Variants in SECISBP2L observed in about 807,000 individuals in gnomAD.
SECISBP2L encodes selenocysteine insertion sequence-binding protein 2-like.
A neutral mutation model predicts 114.7 loss-of-function variants in SECISBP2L; 43 were observed. The ratio of observed to expected loss-of-function variants is 0.38; its 90% CI spans 0.29 to 0.48. The LOEUF (loss-of-function observed/expected upper bound fraction) is 0.48, where lower values mean the gene tolerates loss of function less well. SECISBP2L is among the 20% of genes least tolerant of loss of function. The pLI is 0.98. For synonymous variants in SECISBP2L, 451 were observed against 439.7 expected (o/e 1.03, Z -0.32); for missense variants, 1,136 against 1,301.1 (o/e 0.87, Z 1.95).
At chr15:49,027,599 T>C in intron 6 of SECISBP2L, 119 bp from the exon 7 acceptor site, 1 of 506,072 alleles carries the variant, frequency 2.0e-6, no homozygotes, top group East Asian at 3.2e-5. Context: ...AATTTTTCTA[T>C]AAACCTTATT....
In SECISBP2L at chr15:49,009,383, G is replaced by A; in HGVS notation, c.1865-5C>T. 6.2e-7 allele frequency: 1 copy of A among 1,603,594 alleles called. No individual in the cohort carries two copies. The highest frequency in any genetic ancestry group is 8.5e-7 in the Non-Finnish European group (1 of 1,175,906). On this transcript the variant is annotated splice_polypyrimidine_tract_variant and splice_region_variant and intron_variant, in intron 13 of 17. Transcript: ENST00000559471. ...TGGGCATGCTTAGTCCAGTATCTGT[G>A]GAGATGTGGAGTGAAGGGAAAAAAT...
intron 1 of SECISBP2L, among the ~76,000 whole-genome samples, chr15:49,045,544 T>C (rs1903228877): frequency 6.6e-6 from 1 of 152,198 alleles, no homozygotes; most frequent in Admixed American, 6.5e-5. Context: ...TTATCATCCC[T>C]GCCTGCTACC....
intron 2 of SECISBP2L, among the ~76,000 whole-genome samples, chr15:49,036,920 C>T (rs924066092): frequency 1.3e-5 from 2 of 152,078 alleles, no homozygotes; most frequent in African/African-American, 4.8e-5. Context: ...CCTAGAAAAA[C>T]GAAATTTTCT....
intron 7 of SECISBP2L, 53 bp downstream of exon 7, chr15:49,027,312 T>C: frequency 7.6e-7 from 1 of 1,314,152 alleles, no homozygotes; most frequent in South Asian, 1.3e-5. Flanking sequence ...CTAACAAATC[T>C]AAAATGACTC....
intron 7 of SECISBP2L, among the ~76,000 whole-genome samples, chr15:49,027,051 A>G (rs1902758263): frequency 6.6e-6 from 1 of 152,256 alleles, no homozygotes; most frequent in South Asian, 2.1e-4. Context: ...TATTTAAAGC[A>G]CAAAATGCTT....
At chr15:49,035,936 T>C (rs1368911160) in intron 2 of SECISBP2L, among the ~76,000 whole-genome samples, 2 of 152,174 alleles carry the variant, frequency 1.3e-5, no homozygotes, top group African/African-American at 4.8e-5. Context: ...TGCCTTCCAA[T>C]TCCTCAAGAT....
Position 49,035,407 on chromosome 15 carries a change from C to T in SECISBP2L, c.455G>A (p.Ser152Asn), listed in dbSNP as rs898087796. 2.5e-6 allele frequency: 4 copies of T among 1,614,162 alleles called. No homozygotes were observed. The highest frequency in any genetic ancestry group is 3.4e-6 in the Non-Finnish European group (4 of 1,180,022). ...AITTECTERPSQLGQVFPLSS... is the reference protein window; with the variant it reads ...AITTECTERPNQLGQVFPLSS... Reference sequence around the variant, plus strand: ...CAATGGGAAGACCTGTCCAAGCTGACTTGGACGCTCAGTGCATTCTGTGGT... The same window carrying T: ...CAATGGGAAGACCTGTCCAAGCTGATTTGGACGCTCAGTGCATTCTGTGGT... Residue 152 changes from serine (S) to asparagine (N), a missense_variant, in exon 3 of 18, where the codon AGT becomes AAT. Transcript: ENST00000559471.
rs778302714 is a variant in SECISBP2L, at chr15:48,992,419, T to C, written c.3131A>G (p.Asn1044Ser). The change falls in exon 18 of 18, where the codon AAT becomes AGT. Residue 1044 changes from asparagine (N) to serine (S), a missense_variant. Asn to Ser is a conservative substitution (Grantham distance 46). This residue lies in a region of SECISBP2L where 684 missense variants were observed against 848.7 expected (regional missense o/e 0.81). Coordinates refer to ENST00000559471, the MANE Select transcript of SECISBP2L (RefSeq NM_001193489.2). ...GKTLNGSEED[N>S]VEQSGEEEAE... ...TTCCTCTTCTCCACTTTGCTCTACA[T>C]TGTCTTCCTCAGAACCATTAAGGGT... 15 of 1,614,042 alleles carry C rather than the reference T, an allele frequency of 9.3e-6. No individual in the cohort carries two copies. The highest frequency in any genetic ancestry group is 1.3e-5 in the Non-Finnish European group (15 of 1,180,024).
intron 11 of SECISBP2L, among the ~76,000 whole-genome samples, chr15:49,013,880 C>G (rs1595787630): frequency 1.3e-5 from 2 of 152,110 alleles, no homozygotes; most frequent in African/African-American, 4.8e-5. Flanking sequence ...TCGAGTTCCT[C>G]CCTGACCCTT....
chr15:49,024,594 A>G (rs922813598), intron 7 of SECISBP2L, among the ~76,000 whole-genome samples: 6 of 152,106 alleles, frequency 3.9e-5, no homozygotes, highest in African/African-American at 1.4e-4. Flanking sequence ...TACTTTGAAA[A>G]TTTTGTTTTA....
At chr15:49,004,024 C>G (rs1456452922) in intron 14 of SECISBP2L, among the ~76,000 whole-genome samples, 1 of 152,084 alleles carries the variant, frequency 6.6e-6, no homozygotes, top group African/African-American at 2.4e-5. Context: ...GTACCAGCTC[C>G]TCTTTGTAAC....
Position 49,011,797 on chromosome 15 carries a change from C to T in SECISBP2L, c.1798G>A (p.Glu600Lys), listed in dbSNP as rs370127755. Residue 600 changes from glutamate (E) to lysine (K), a missense_variant, in exon 13 of 18, where the codon GAG (glutamate) becomes AAG (lysine). Coordinates refer to ENST00000559471, the MANE Select transcript of SECISBP2L (RefSeq NM_001193489.2). ...LTVDHNLLGS[E>K]EPTEMHLDFI... ...TCTAAGTGCATTTCTGTTGGTTCCT[C>T]GGATCCCAAAAGATTGTGGTCCACA... The T allele has an allele frequency of 7.1e-5, 114 of 1,613,972 alleles. 1 individual carries two copies. Among genetic ancestry groups the T allele is most frequent in the Non-Finnish European group, 8.7e-5 (103 of 1,179,994 alleles).
chr15:48,996,569 T>C lies in SECISBP2L; in HGVS notation c.2421A>G (p.Leu807=). ...YFGAESLFNK[L]VELTEEARKA... Reference sequence around the variant, plus strand: ...TCCTGGCCTCCTCAGTGAGTTCTACTAATTTATTAAACAGGCTCTGAAAAG... The same window carrying C: ...TCCTGGCCTCCTCAGTGAGTTCTACCAATTTATTAAACAGGCTCTGAAAAG... Residue 807 remains leucine (L), a synonymous_variant, in exon 17 of 18, where the codon TTA becomes TTG. Transcript: ENST00000559471. The C allele has an allele frequency of 1.2e-6, 2 of 1,613,090 alleles. No individual in the cohort carries two copies. The highest frequency in any genetic ancestry group is 1.7e-6 in the Non-Finnish European group (2 of 1,179,686).
chr15:49,040,127 G>A (rs1164914336), intron 1 of SECISBP2L, among the ~76,000 whole-genome samples: 1 of 152,102 alleles, frequency 6.6e-6, no homozygotes, highest in Non-Finnish European at 1.5e-5. Context: ...TTCATAGAAA[G>A]TTTTATAAAC....
intron 3 of SECISBP2L, among the ~76,000 whole-genome samples, chr15:49,034,481 T>G (rs1902963086): frequency 6.6e-6 from 1 of 151,922 alleles, no homozygotes; most frequent in Admixed American, 6.6e-5. Flanking sequence ...CATATTTATC[T>G]TCCATTTTCT....
In SECISBP2L at chr15:49,008,643, G is replaced by T. The variant is rs149013698; in HGVS notation, c.2027+573C>A. Among the ~76,000 whole-genome samples the T allele has an allele frequency of 2.9e-3, 444 of 152,272 alleles. 2 individuals are homozygous for T. Among genetic ancestry groups the T allele is most frequent in the African/African-American group, 0.01 (423 of 41,578 alleles). On this transcript the variant is annotated intron_variant, in intron 14 of 17. Transcript: ENST00000559471. ...CTTTCACCCTGGGATTCTTTCATATGTCATTTTTAAAGGTAAAATTAATTC... is the reference window on the plus strand; with the variant it reads ...CTTTCACCCTGGGATTCTTTCATATTTCATTTTTAAAGGTAAAATTAATTC...
chr15:48,999,721 G>C, intron 16 of SECISBP2L, 112 bp downstream of exon 16: 2 of 1,168,462 alleles, frequency 1.7e-6, no homozygotes, highest in South Asian at 4.2e-5. Context: ...TTTCAGGGTT[G>C]TCAACTCACT....
rs780979946 is a variant in SECISBP2L, at chr15:48,991,650, G to T, written c.*594C>A. ...TAAGATGGTGGCTCCACTGCTAGCC[G>T]AAGTTTTGAAGGCTCTGTTTTAGCC... On this transcript the variant is annotated 3_prime_UTR_variant, in exon 18 of 18. Coordinates refer to ENST00000559471, the MANE Select transcript of SECISBP2L (RefSeq NM_001193489.2). The T allele has an allele frequency of 3.9e-5, 6 of 152,420 alleles. No individual in the cohort carries two copies. Among genetic ancestry groups the T allele is most frequent in the African/African-American group, 1.4e-4 (6 of 41,446 alleles). The allele number at this position is 152,420 out of a possible 1,614,324, so 9.4% of individuals were successfully genotyped here. A position where few individuals can be genotyped will look rare whatever the true frequency, so the allele number is the denominator to read the frequency against.
chr15:48,994,126 A>T (rs1022805938), intron 17 of SECISBP2L, among the ~76,000 whole-genome samples: 1 of 151,344 alleles, frequency 6.6e-6, no homozygotes, highest in Non-Finnish European at 1.5e-5. Flanking sequence ...AAAAAAAATC[A>T]CCTCCTCCTA....
Sources: gnomAD v4.1 joint callset for allele counts (sites outside exome capture counted in the v4.1 genomes callset) on GRCh38, gnomAD v4.1.1 for gene constraint, gnomAD v4.1.1 regional missense constraint, MANE v1.5 for transcripts, NCBI Gene and HGNC (gene_info 2026-07-23, HGNC 2026-07-21) for gene names.